The following LINGO2 variants were observed in gnomAD, a reference collection of about 807,000 sequenced individuals.
The protein encoded by LINGO2 is leucine rich repeat and Ig domain containing 2.
In LINGO2, 14 loss-of-function variants were observed where a neutral mutation model predicts 30.6. The observed-to-expected ratio is 0.46, with a 90% CI of 0.30 to 0.72. The LOEUF is 0.72. Among genes scored for constraint, LINGO2 ranks in the 30% least tolerant of loss-of-function variants. LINGO2 has a pLI of 0.07. For missense variants in LINGO2, 729 were observed against 751.7 expected (o/e 0.97, Z 0.35); for synonymous variants, 317 against 288.5 (o/e 1.10, Z -1.00).
Position 28,362,776 on chromosome 9 carries a change from G to C in LINGO2, c.-246+10060C>G, listed in dbSNP as rs571703070. The stretch of plus-strand genomic sequence containing the variant: ...GAGCCACCACGCCCGACCCAGAAAA[G>C]TTATTTGACTTTGACTTGGACTCTA... On this transcript the variant is annotated intron_variant, in intron 3 of 5. Transcript: ENST00000379992. Among the ~76,000 whole-genome samples, 4 of 152,212 alleles carry C rather than the reference G, an allele frequency of 2.6e-5. No homozygotes were observed. In the South Asian group the frequency reaches 8.3e-4, roughly 32 times the overall value.
chr9:27,974,147 C>T (rs1209110410), intron 5 of LINGO2, among the ~76,000 whole-genome samples: 3 of 152,114 alleles, frequency 2.0e-5, no homozygotes, highest in South Asian at 2.1e-4. Context: ...TGCGTGAACA[C>T]GCAGTTGGGA....
At chr9:28,775,927 T>G in the LINGO2 span, among the ~76,000 whole-genome samples, 4 of 152,300 alleles carry the variant, frequency 2.6e-5, no homozygotes, top group Admixed American at 6.5e-5. Flanking sequence ...ATATATCTTC[T>G]CCTTTGCTTC....
chr9:28,989,252 T>G, the LINGO2 span, among the ~76,000 whole-genome samples: 1 of 152,216 alleles, frequency 6.6e-6, no homozygotes, highest in African/African-American at 2.4e-5. Flanking sequence ...TTTAGATGAC[T>G]TCTAATTAAA....
the LINGO2 span, among the ~76,000 whole-genome samples, chr9:28,720,516 C>T: frequency 6.6e-6 from 1 of 151,992 alleles, no homozygotes; most frequent in Non-Finnish European, 1.5e-5. Flanking sequence ...TCCCCCAGTT[C>T]TCCCACACGG....
intron 3 of LINGO2, among the ~76,000 whole-genome samples, chr9:28,364,024 A>C (rs1264496265): frequency 6.6e-6 from 1 of 151,934 alleles, no homozygotes; most frequent in Non-Finnish European, 1.5e-5. Flanking sequence ...CTTTTTGGGT[A>C]AAGATGGCTG....
intron 5 of LINGO2, among the ~76,000 whole-genome samples, chr9:27,973,914 A>G (rs1362918734): frequency 6.6e-6 from 1 of 152,192 alleles, no homozygotes; most frequent in Non-Finnish European, 1.5e-5. Flanking sequence ...CATTCCTGTG[A>G]CATTCCCAGA....
chr9:28,380,389 G>GTTT lies in LINGO2; in HGVS notation c.-278-7522_-278-7521insAAA, dbSNP rs199875137. 1.5e-3 allele frequency among the ~76,000 whole-genome samples: 45 copies of GTTT among 30,936 alleles called. No homozygotes were observed. The South Asian group carries it at 0.015, about 11-fold the overall frequency. 20.3% of individuals were successfully genotyped at this position (30,936 alleles called of 152,430 possible). On this transcript the variant is annotated intron_variant, in intron 2 of 5. Transcript: ENST00000379992. ...AAATCATTGACTCAATGACTATAAA[G>GTTT]GTTTTTTTTTTTTTCCAATGGTAAG...
At chr9:28,210,744 T>A (rs557316412) in intron 4 of LINGO2, among the ~76,000 whole-genome samples, 2 of 151,654 alleles carry the variant, frequency 1.3e-5, no homozygotes, top group Non-Finnish European at 3.0e-5. Context: ...CACATCCATG[T>A]TCCTGATACA....
At chr9:28,264,380 T>C (rs1294260286) in intron 4 of LINGO2, among the ~76,000 whole-genome samples, 1 of 152,022 alleles carries the variant, frequency 6.6e-6, no homozygotes, top group Non-Finnish European at 1.5e-5. Context: ...TACATAAAAA[T>C]ATTATCTCTT....
chr9:28,193,589 G>A (rs1309302697), intron 4 of LINGO2, among the ~76,000 whole-genome samples: 1 of 152,094 alleles, frequency 6.6e-6, no homozygotes, highest in South Asian at 2.1e-4. Context: ...CCACTACTAT[G>A]TTTTAGGGGA....
the LINGO2 span, among the ~76,000 whole-genome samples, chr9:28,908,787 T>C: frequency 6.6e-6 from 1 of 151,966 alleles, no homozygotes; most frequent in Non-Finnish European, 1.5e-5. Flanking sequence ...TAATTTCATT[T>C]GTTAAGGTTC....
intron 4 of LINGO2, among the ~76,000 whole-genome samples, chr9:28,023,027 T>G (rs9298892): frequency 0.038 from 5,749 of 152,194 alleles, 380 homozygotes; most frequent in African/African-American, 0.13. Context: ...TTTCTCAGAG[T>G]TTTCCATATC....
chr9:28,933,791 TA>T, the LINGO2 span, among the ~76,000 whole-genome samples: 3 of 152,190 alleles, frequency 2.0e-5, no homozygotes, highest in African/African-American at 7.2e-5. Context: ...TTTGGACTGG[TA>T]TCACCCTTGT....
chr9:29,091,597 C>A, the LINGO2 span, among the ~76,000 whole-genome samples: 3 of 152,088 alleles, frequency 2.0e-5, no homozygotes, highest in South Asian at 6.2e-4. Flanking sequence ...GCCTCCTTTG[C>A]AGTTCATGAA....
At chr9:29,028,066 G>A in the LINGO2 span, among the ~76,000 whole-genome samples, 1 of 151,996 alleles carries the variant, frequency 6.6e-6, no homozygotes, top group African/African-American at 2.4e-5. Context: ...CTGTATTCCT[G>A]GACTGTAGTG....
chr9:28,507,977 C>A lies in LINGO2; in HGVS notation c.-364-31952G>T, dbSNP rs1820221909. ...CAGCCTTTCTAATAATATATTTTGT[C>A]ATATTTGGAAAGAAAAAAATAGGTA... On this transcript the variant is annotated intron_variant, in intron 1 of 5. Coordinates refer to ENST00000379992, the Ensembl canonical transcript of LINGO2. Among the ~76,000 whole-genome samples, 3 of 151,692 alleles carry A rather than the reference C, an allele frequency of 2.0e-5. No homozygotes were observed. The South Asian group carries it at 6.2e-4, about 31-fold the overall frequency.
At chr9:28,062,562 A>G (rs1335735896) in intron 4 of LINGO2, among the ~76,000 whole-genome samples, 1 of 59,310 alleles carries the variant, frequency 1.7e-5, no homozygotes, top group Non-Finnish European at 3.8e-5. Context: ...ATATACATAT[A>G]TAGTATATAT....
intron 4 of LINGO2, among the ~76,000 whole-genome samples, chr9:28,268,580 C>A (rs962214101): frequency 6.6e-6 from 1 of 152,080 alleles, no homozygotes; most frequent in Non-Finnish European, 1.5e-5. Flanking sequence ...ATTTCTAAAA[C>A]TACAGTGATA....
At chr9:28,134,144 G>A (rs1313703744) in intron 4 of LINGO2, among the ~76,000 whole-genome samples, 1 of 151,658 alleles carries the variant, frequency 6.6e-6, no homozygotes, top group South Asian at 2.1e-4. Flanking sequence ...CTACAATCTT[G>A]GCCACAATCA....
Sources: gnomAD v4.1 joint callset for allele counts (sites outside exome capture counted in the v4.1 genomes callset) on GRCh38, gnomAD v4.1.1 for gene constraint, MANE v1.5 for transcripts, NCBI Gene and HGNC (gene_info 2026-07-23, HGNC 2026-07-21) for gene names.